The following RANBP17 variants were observed in gnomAD, a reference collection of about 807,000 sequenced individuals.
RANBP17 encodes ran-binding protein 17.
Under a neutral mutation model 141.2 loss-of-function variants are expected in RANBP17, and 158 were observed. The observed-to-expected ratio is 1.12, with a 90% confidence interval of 0.98 to 1.28. The LOEUF (loss-of-function observed/expected upper bound fraction) is 1.28, where lower values mean the gene tolerates loss of function less well. Among genes scored for constraint, RANBP17 ranks in the 50% most tolerant of loss-of-function variants. The pLI is 0.00. For synonymous variants in RANBP17, 430 were observed against 450.0 expected, an observed-to-expected ratio of 0.96 and a Z score of 0.56; for missense variants, 1,438 against 1,290.7, an observed-to-expected ratio of 1.11 and a Z score of -1.75.
At chr5:170,914,439 G>A (rs1243566885) in intron 8 of RANBP17, among the ~76,000 whole-genome samples, 199 bp downstream of exon 8, 1 of 151,988 alleles carries the variant, frequency 6.6e-6, no homozygotes, top group African/African-American at 2.4e-5. Context: ...TTATTTCATG[G>A]GTGAGCCTAG....
At chr5:170,986,416 T>C (rs1355191159) in intron 14 of RANBP17, among the ~76,000 whole-genome samples, 2 of 151,978 alleles carry the variant, frequency 1.3e-5, no homozygotes, top group African/African-American at 4.8e-5. Context: ...CAATAATTTA[T>C]TGTATATTTT....
intron 12 of RANBP17, among the ~76,000 whole-genome samples, chr5:170,947,302 A>G (rs1774845163): frequency 6.6e-6 from 1 of 152,086 alleles, no homozygotes. Flanking sequence ...ATATCTGTTG[A>G]TAATGTATAA....
chr5:171,102,987 G>C (rs1787278856), intron 14 of RANBP17, among the ~76,000 whole-genome samples: 1 of 152,186 alleles, frequency 6.6e-6, no homozygotes, highest in Admixed American at 6.5e-5. Flanking sequence ...ATCCCAGAGG[G>C]GTACCGGCCA....
chr5:171,262,042 G>A (rs769966281), intron 24 of RANBP17, among the ~76,000 whole-genome samples: 9 of 152,102 alleles, frequency 5.9e-5, no homozygotes, highest in East Asian at 1.9e-4. Context: ...TCCAATCTTC[G>A]TGGCTAAAGT....
chr5:171,229,157 G>T (rs1251961194), intron 22 of RANBP17, among the ~76,000 whole-genome samples: 4 of 152,178 alleles, frequency 2.6e-5, no homozygotes, highest in Non-Finnish European at 5.9e-5. Flanking sequence ...GATTGTCCAG[G>T]AACTATGGAT....
intron 7 of RANBP17, chr5:170,911,401 A>G: frequency 1.7e-6 from 1 of 582,204 alleles, no homozygotes; most frequent in Non-Finnish European, 3.1e-6. Context: ...GAAAGTCAAG[A>G]GCTATGATTT....
At chr5:171,236,382 G>A (rs1321092357) in intron 22 of RANBP17, among the ~76,000 whole-genome samples, 1 of 152,130 alleles carries the variant, frequency 6.6e-6, no homozygotes, top group Non-Finnish European at 1.5e-5. Flanking sequence ...CTTATCCCTT[G>A]CATCACTTTT....
intron 12 of RANBP17, among the ~76,000 whole-genome samples, chr5:170,953,274 T>C (rs1775347675): frequency 6.6e-6 from 1 of 152,132 alleles, no homozygotes; most frequent in Non-Finnish European, 1.5e-5. Flanking sequence ...AGTCATGTCT[T>C]CATGGTAGAC....
chr5:171,151,736 C>T (rs989657896), intron 14 of RANBP17, among the ~76,000 whole-genome samples: 2 of 152,108 alleles, frequency 1.3e-5, no homozygotes, highest in African/African-American at 2.4e-5. Context: ...GTAATCGCCT[C>T]CTTCAAGTTC....
intron 14 of RANBP17, among the ~76,000 whole-genome samples, chr5:171,034,978 C>G (rs895934081): frequency 4.0e-5 from 6 of 151,748 alleles, no homozygotes; most frequent in Non-Finnish European, 7.4e-5. Context: ...TGAGCCACCA[C>G]AGGTTTGGTT....
chr5:171,148,307 G>C (rs897924449), intron 14 of RANBP17, among the ~76,000 whole-genome samples: 3 of 152,072 alleles, frequency 2.0e-5, no homozygotes, highest in Non-Finnish European at 4.4e-5. Context: ...TCACTTGTTT[G>C]TCTGCTGACC....
chr5:171,259,325 TA>T (rs1411553954), intron 24 of RANBP17, among the ~76,000 whole-genome samples: 1 of 152,148 alleles, frequency 6.6e-6, no homozygotes, highest in Non-Finnish European at 1.5e-5. Context: ...CTCAAAAAAC[TA>T]AAAATAGAAT....
intron 14 of RANBP17, among the ~76,000 whole-genome samples, chr5:171,151,069 A>G (rs1758437849): frequency 6.6e-6 from 1 of 152,212 alleles, no homozygotes; most frequent in Non-Finnish European, 1.5e-5. Context: ...GCCTCTAGTA[A>G]CCTTTCAAGA....
In RANBP17 at chr5:170,936,676, C is replaced by T. The variant is rs551273529; in HGVS notation, c.1468+12126C>T. ...TCTGTCCTGGCAAACGTAGCATATA[C>T]ACTTGAAAAGAATATGTATTTTGCT... On this transcript the variant is annotated intron_variant, in intron 12 of 27. Transcript: ENST00000523189. Among the ~76,000 whole-genome samples the T allele has an allele frequency of 9.9e-5, 15 of 152,230 alleles. No homozygotes were observed. The South Asian group carries it at 2.7e-3, about 27-fold the overall frequency.
intron 2 of RANBP17, among the ~76,000 whole-genome samples, chr5:170,881,506 A>C (rs1417718068): frequency 6.6e-6 from 1 of 152,144 alleles, no homozygotes; most frequent in Non-Finnish European, 1.5e-5. Context: ...AGGGCTGTAG[A>C]CCATGGTAAA....
chr5:171,258,152 CACA>C (rs1766043552), intron 24 of RANBP17, among the ~76,000 whole-genome samples: 1 of 149,420 alleles, frequency 6.7e-6, no homozygotes, highest in Non-Finnish European at 1.5e-5. Flanking sequence ...CACACACACA[CACA>C]CACACCCCTA....
Position 171,265,699 on chromosome 5 carries a change from G to A in RANBP17, c.2795G>A (p.Ser932Asn), listed in dbSNP as rs559720336. 6.2e-7 allele frequency: 1 copy of A among 1,612,864 alleles called. No individual in the cohort carries two copies. The highest frequency in any genetic ancestry group is 1.3e-5 in the African/African-American group (1 of 74,852). ...LTTLDTVVSS[S>N]CCTSLDYIVT... Reference sequence around the variant, plus strand: ...TGTACAGATACAGTTGTCTCCTCCAGCTGCTGTACCAGTTTAGACTACATC... The same window carrying A: ...TGTACAGATACAGTTGTCTCCTCCAACTGCTGTACCAGTTTAGACTACATC... The change falls in exon 25 of 28, where the codon AGC becomes AAC. Residue 932 changes from serine (S) to asparagine (N), a missense_variant. Transcript: ENST00000523189.
intron 18 of RANBP17, among the ~76,000 whole-genome samples, chr5:171,197,915 T>A (rs1459037865): frequency 2.0e-5 from 3 of 152,122 alleles, no homozygotes; most frequent in Admixed American, 2.0e-4. Flanking sequence ...GGCAGGCGCC[T>A]GTAGTCCTAG....
At chr5:171,172,535 C>A (rs1405664175) in intron 16 of RANBP17, among the ~76,000 whole-genome samples, 1 of 150,790 alleles carries the variant, frequency 6.6e-6, no homozygotes, top group Non-Finnish European at 1.5e-5. Context: ...AAAAACTCAA[C>A]CCATATTTTT....
Sources: allele counts gnomAD v4.1 joint callset (sites outside exome capture counted in the v4.1 genomes callset), GRCh38; gene constraint gnomAD v4.1.1; transcripts MANE v1.5; gene names NCBI Gene and HGNC (gene_info 2026-07-23, HGNC 2026-07-21).